The following IL1RAPL1 variants were observed in gnomAD, a reference collection of about 807,000 sequenced individuals.
The protein encoded by IL1RAPL1 is interleukin-1 receptor accessory protein-like 1.
IL1RAPL1 carries 3 observed loss-of-function variants against 48.4 expected under a neutral mutation model. That is an observed-to-expected ratio of 0.06 (90% CI 0.03 to 0.16). The LOEUF (loss-of-function observed/expected upper bound fraction) is 0.16, where lower values mean the gene tolerates loss of function less well. IL1RAPL1 is among the 10% of genes least tolerant of loss of function. The pLI, the probability that IL1RAPL1 is intolerant of heterozygous loss-of-function variation, is 1.00. For missense variants in IL1RAPL1, 349 were observed against 530.6 expected (o/e 0.66, Z 3.36); for synonymous variants, 185 against 187.7 (o/e 0.99, Z 0.12).
intron 1 of IL1RAPL1, among the ~76,000 whole-genome samples, chrX:28,741,971 AGTG>A (rs1420783345): frequency 9.0e-6 from 1 of 111,490 alleles, no homozygotes; most frequent in Non-Finnish European, 1.9e-5. Context: ...GTTTCAAACT[AGTG>A]GTATTCTTTA....
At chrX:29,732,824 G>T (rs1473007215) in intron 6 of IL1RAPL1, among the ~76,000 whole-genome samples, 4 of 112,139 alleles carry the variant, frequency 3.6e-5, no homozygotes, top group Non-Finnish European at 7.5e-5. Flanking sequence ...ACATCTACCA[G>T]CTTTTCCCTT....
chrX:29,168,800 TG>T (rs1929848949), intron 2 of IL1RAPL1, among the ~76,000 whole-genome samples: 1 of 95,810 alleles, frequency 1.0e-5, no homozygotes, highest in Non-Finnish European at 2.1e-5. Flanking sequence ...TATGTACAAT[TG>T]TATATATATA....
chrX:29,449,118 C>A (rs1051085572), intron 5 of IL1RAPL1, among the ~76,000 whole-genome samples: 1 of 111,330 alleles, frequency 9.0e-6, no homozygotes, highest in South Asian at 3.8e-4. Context: ...ATATTTACAA[C>A]GATCCAATGA....
chrX:28,631,338 A>G (rs1934398386), intron 1 of IL1RAPL1, among the ~76,000 whole-genome samples: 1 of 112,093 alleles, frequency 8.9e-6, no homozygotes, highest in Admixed American at 9.5e-5. Context: ...ATCTGCACAA[A>G]GCTGATGGTT....
chrX:29,429,651 A>G (rs1451537869), intron 5 of IL1RAPL1, among the ~76,000 whole-genome samples: 2 of 110,422 alleles, frequency 1.8e-5, no homozygotes, highest in African/African-American at 6.6e-5. Flanking sequence ...ATAAACTCCT[A>G]TTCTCTTCCT....
chrX:29,640,719 C>T (rs2147085061), intron 5 of IL1RAPL1, among the ~76,000 whole-genome samples: 1 of 112,421 alleles, frequency 8.9e-6, no homozygotes, highest in Admixed American at 9.4e-5. Context: ...TCTACTGCTG[C>T]TGTCTTAATC....
intron 5 of IL1RAPL1, among the ~76,000 whole-genome samples, chrX:29,511,357 A>G (rs1307257259): frequency 8.9e-6 from 1 of 111,908 alleles, no homozygotes; most frequent in Non-Finnish European, 1.9e-5. Context: ...GCCTCAGAGC[A>G]AATGCACAGG....
chrX:29,688,754 C>G (rs200496699), intron 6 of IL1RAPL1, among the ~76,000 whole-genome samples: 63 of 103,879 alleles, frequency 6.1e-4, no homozygotes, highest in African/African-American at 1.2e-3. Context: ...CTCTCTCTCT[C>G]TGTGTGTGTC....
intron 2 of IL1RAPL1, among the ~76,000 whole-genome samples, chrX:28,803,029 A>G (rs1481990591): frequency 9.0e-6 from 1 of 111,574 alleles, no homozygotes; most frequent in Non-Finnish European, 1.9e-5. Flanking sequence ...ACATTTTTAT[A>G]ATAGAAATGT....
chrX:29,199,996 A>G (rs1930522938), intron 2 of IL1RAPL1, among the ~76,000 whole-genome samples: 1 of 111,367 alleles, frequency 9.0e-6, no homozygotes, highest in Admixed American at 9.6e-5. Flanking sequence ...TTTTTACACC[A>G]TATTCATTAA....
intron 6 of IL1RAPL1, among the ~76,000 whole-genome samples, chrX:29,900,196 CAGTG>C (rs762227646): frequency 1.2e-3 from 136 of 112,157 alleles, no homozygotes; most frequent in African/African-American, 4.0e-3. Flanking sequence ...AAACACAAAA[CAGTG>C]AGTTCACTGT....
chrX:29,283,150 G>A lies in IL1RAPL1; in HGVS notation c.295G>A (p.Glu99Lys). The A allele has an allele frequency of 8.3e-7, 1 of 1,211,674 alleles. No individual in the cohort carries two copies. Among genetic ancestry groups the A allele is most frequent in the Non-Finnish European group, 1.1e-6 (1 of 895,323 alleles). The change falls in exon 3 of 11, where the codon GAA (glutamate) becomes AAA (lysine). Residue 99 changes from glutamate to lysine, a missense_variant. Transcript: ENST00000378993. The part of the protein sequence containing the change: ...IAFDGSRMSK[E>K]EDSIWFRPTL... ...CTTTGACGGAAGTAGAATGAGCAAA[G>A]AAGAAGACTCCATTTGGTTCCGGCC...
At chrX:29,132,824 C>T (rs909591152) in intron 2 of IL1RAPL1, among the ~76,000 whole-genome samples, 13 of 110,642 alleles carry the variant, frequency 1.2e-4, no homozygotes, top group African/African-American at 4.3e-4. Flanking sequence ...TTATTATTAT[C>T]CATTATAATG....
intron 1 of IL1RAPL1, among the ~76,000 whole-genome samples, chrX:28,736,670 A>T (rs924673861): frequency 1.9e-4 from 21 of 112,058 alleles, no homozygotes; most frequent in Non-Finnish European, 3.8e-4. Flanking sequence ...AACCATTGCT[A>T]CTAAGACAGC....
chrX:29,246,150 CTTTTTTTTTTTTTT>C (rs761809643), intron 2 of IL1RAPL1, among the ~76,000 whole-genome samples: 1 of 52,031 alleles, frequency 1.9e-5, no homozygotes, highest in Admixed American at 2.8e-4. Flanking sequence ...TCTCATCGCT[CTTTTTTTTTTTTTT>C]TTTTTTTTTT....
At chrX:28,980,739 A>G (rs1163280821) in intron 2 of IL1RAPL1, among the ~76,000 whole-genome samples, 1 of 109,949 alleles carries the variant, frequency 9.1e-6, no homozygotes, top group Non-Finnish European at 1.9e-5. Context: ...TTTCTAGCCT[A>G]CTTCCACAAA....
intron 6 of IL1RAPL1, among the ~76,000 whole-genome samples, chrX:29,833,459 A>C (rs1436014543): frequency 9.0e-6 from 1 of 111,072 alleles, no homozygotes; most frequent in Non-Finnish European, 1.9e-5. Context: ...TATTACATTA[A>C]TCCCCTATAA....
intron 2 of IL1RAPL1, among the ~76,000 whole-genome samples, chrX:29,128,745 C>A (rs1179263589): frequency 1.8e-5 from 2 of 111,351 alleles, no homozygotes; most frequent in African/African-American, 6.5e-5. Context: ...AATTAAGATA[C>A]AGTTCCTTAA....
intron 2 of IL1RAPL1, among the ~76,000 whole-genome samples, chrX:28,815,134 C>T (rs1364535184): frequency 9.1e-6 from 1 of 110,346 alleles, no homozygotes; most frequent in African/African-American, 3.3e-5. Flanking sequence ...CCTTGATGCT[C>T]TTCCTTTATG....
Sources: gnomAD v4.1 joint callset for allele counts (sites outside exome capture counted in the v4.1 genomes callset) on GRCh38, gnomAD v4.1.1 for gene constraint, MANE v1.5 for transcripts, NCBI Gene and HGNC (gene_info 2026-07-23, HGNC 2026-07-21) for gene names.